STAC: variants seen among roughly 807,000 people sequenced by gnomAD.
The protein encoded by STAC is SH3 and cysteine rich domain, also known as SH3 and cysteine-rich domain-containing protein.
A neutral mutation model predicts 48.8 loss-of-function variants in STAC; 43 were observed. That is an observed-to-expected ratio of 0.88 (90% CI 0.69 to 1.14). The LOEUF (loss-of-function observed/expected upper bound fraction) is 1.14, where lower values mean the gene tolerates loss of function less well. Among genes scored for constraint, STAC ranks in the 50% most tolerant of loss-of-function variants. The probability of loss-of-function intolerance (pLI) is 0.00; values close to 1 mark genes in which losing one functional copy is unlikely to be tolerated. For missense variants in STAC, 497 were observed against 504.0 expected, an observed-to-expected ratio of 0.99 and a Z score of 0.13; for synonymous variants, 193 against 179.5, an observed-to-expected ratio of 1.07 and a Z score of -0.60.
intron 1 of STAC, 35 bp downstream of exon 1, chr3:36,380,789 C>T: frequency 6.6e-7 from 1 of 1,504,564 alleles, no homozygotes; most frequent in Non-Finnish European, 9.2e-7. Context: ...AGAACACAAA[C>T]TCACTCTCCT....
At chr3:36,467,700 C>T (rs1697216988) in intron 2 of STAC, among the ~76,000 whole-genome samples, 1 of 152,036 alleles carries the variant, frequency 6.6e-6, no homozygotes, top group African/African-American at 2.4e-5. Context: ...TCTCCTGTAT[C>T]ATAGGCAATT....
intron 8 of STAC, among the ~76,000 whole-genome samples, chr3:36,517,845 C>CCACACACACTCACAGT (rs1349455736): frequency 6.6e-6 from 1 of 151,768 alleles, no homozygotes; most frequent in African/African-American, 2.4e-5. Context: ...AAATAACCTC[C>CCACACACACTCACAGT]CACACACACT....
At chr3:36,544,688 TAACA>T (rs1196803160) in intron 10 of STAC, among the ~76,000 whole-genome samples, 1 of 152,140 alleles carries the variant, frequency 6.6e-6, no homozygotes, top group Non-Finnish European at 1.5e-5. Flanking sequence ...GCACGTTTGT[TAACA>T]AACATATGAA....
intron 6 of STAC, among the ~76,000 whole-genome samples, chr3:36,500,576 A>G (rs1305031485): frequency 6.6e-6 from 1 of 152,186 alleles, no homozygotes; most frequent in African/African-American, 2.4e-5. Flanking sequence ...AAACCTGCAC[A>G]TGTACCCCAG....
chr3:36,501,967 A>G (rs1280556713), intron 6 of STAC, among the ~76,000 whole-genome samples: 1 of 152,238 alleles, frequency 6.6e-6, no homozygotes, highest in Non-Finnish European at 1.5e-5. Flanking sequence ...GTAATTACCC[A>G]GTTGAACTTA....
chr3:36,428,196 G>A (rs1700612257), intron 1 of STAC, among the ~76,000 whole-genome samples: 1 of 152,126 alleles, frequency 6.6e-6, no homozygotes, highest in Non-Finnish European at 1.5e-5. Context: ...ATTTGAGTAT[G>A]AGTTGCATTA....
chr3:36,488,902 G>A (rs369486012), intron 5 of STAC, among the ~76,000 whole-genome samples: 77 of 152,098 alleles, frequency 5.1e-4, no homozygotes, highest in African/African-American at 1.5e-3. Flanking sequence ...TCAGAACAAC[G>A]ATGCCCAAAC....
At chr3:36,441,111 C>T (rs1575201637) in intron 1 of STAC, among the ~76,000 whole-genome samples, 2 of 152,160 alleles carry the variant, frequency 1.3e-5, no homozygotes, top group Admixed American at 6.5e-5. Context: ...CAAAAGTATC[C>T]TCCTTCTAGC....
At chr3:36,487,586 C>T (rs776603694) in intron 5 of STAC, among the ~76,000 whole-genome samples, 1 of 152,152 alleles carries the variant, frequency 6.6e-6, no homozygotes, top group Admixed American at 6.5e-5. Context: ...CCTTAGAATT[C>T]ACAACTTATT....
rs1178508885 is a variant in STAC at position 36,492,005 on chromosome 3, G to GA, written c.688-1119dup. Among the ~76,000 whole-genome samples the GA allele has an allele frequency of 2.0e-3, 13 of 6,432 alleles. 4 individuals are homozygous for GA. Among genetic ancestry groups the GA allele is most frequent in the East Asian group, 8.3e-3 (1 of 120 alleles). 4.2% of individuals were successfully genotyped at this position (6,432 alleles called of 152,430 possible). On this transcript the variant is annotated intron_variant, in intron 5 of 10. Coordinates refer to ENST00000273183, the MANE Select transcript of STAC (RefSeq NM_003149.3). ...GTGACAGAGCAAGACTCCATCTCAA[G>GA]AAAAAAAAAAAAAAAAAAAAAAAAA...
intron 1 of STAC, among the ~76,000 whole-genome samples, chr3:36,393,151 T>A (rs547370880): frequency 6.6e-6 from 1 of 152,310 alleles, no homozygotes; most frequent in Non-Finnish European, 1.5e-5. Flanking sequence ...ATTCCAATAG[T>A]ATTTCAGCCA....
At chr3:36,394,687 A>C (rs1482305982) in intron 1 of STAC, among the ~76,000 whole-genome samples, 1 of 152,078 alleles carries the variant, frequency 6.6e-6, no homozygotes, top group African/African-American at 2.4e-5. Context: ...ACCTGAAGTC[A>C]GGAGTTAGGG....
intron 10 of STAC, among the ~76,000 whole-genome samples, chr3:36,542,858 T>C (rs1005515425): frequency 1.3e-5 from 2 of 152,188 alleles, no homozygotes; most frequent in Non-Finnish European, 1.5e-5. Flanking sequence ...CTGTCTTGTA[T>C]TGCACTAGTT....
intron 2 of STAC, among the ~76,000 whole-genome samples, chr3:36,476,021 C>G (rs1697482688): frequency 6.6e-6 from 1 of 152,238 alleles, no homozygotes; most frequent in South Asian, 2.1e-4. Flanking sequence ...CAGACTTGAA[C>G]CTGGTGGTCA....
intron 10 of STAC, among the ~76,000 whole-genome samples, chr3:36,540,292 T>G (rs1242202583): frequency 6.6e-6 from 1 of 152,118 alleles, no homozygotes; most frequent in Non-Finnish European, 1.5e-5. Flanking sequence ...GATAATAAAT[T>G]TGTGTTGTTA....
intron 1 of STAC, among the ~76,000 whole-genome samples, chr3:36,386,944 A>C (rs971349060): frequency 2.6e-5 from 4 of 152,074 alleles, no homozygotes; most frequent in Non-Finnish European, 5.9e-5. Context: ...ATGGAACTGC[A>C]TTGAATCTAT....
At chr3:36,499,266 A>T (rs769958964) in intron 6 of STAC, among the ~76,000 whole-genome samples, 13 of 152,226 alleles carry the variant, frequency 8.5e-5, no homozygotes, top group Non-Finnish European at 1.9e-4. Context: ...CAAACACTGG[A>T]CACATTTTTT....
intron 5 of STAC, among the ~76,000 whole-genome samples, chr3:36,488,210 G>A (rs1014682458): frequency 6.6e-6 from 1 of 152,162 alleles, no homozygotes; most frequent in African/African-American, 2.4e-5. Context: ...TGGGATTACA[G>A]GTGCATGCCA....
intron 6 of STAC, among the ~76,000 whole-genome samples, chr3:36,504,143 G>T (rs1313161357): frequency 2.6e-5 from 4 of 152,150 alleles, no homozygotes; most frequent in African/African-American, 4.8e-5. Context: ...ATTACAAGAG[G>T]CAAGTGCTAG....
Sources: allele counts gnomAD v4.1 joint callset (sites outside exome capture counted in the v4.1 genomes callset), GRCh38; gene constraint gnomAD v4.1.1; transcripts MANE v1.5; gene names NCBI Gene and HGNC (gene_info 2026-07-23, HGNC 2026-07-21).